Variants in MPRIP observed in about 807,000 individuals in gnomAD.
MPRIP encodes myosin phosphatase Rho-interacting protein.
MPRIP carries 59 observed loss-of-function variants against 234.9 expected under a neutral mutation model. The ratio of observed to expected loss-of-function variants is 0.25; its 90% CI spans 0.20 to 0.31. The LOEUF (loss-of-function observed/expected upper bound fraction) is 0.31, where lower values mean the gene tolerates loss of function less well. Among genes scored for constraint, MPRIP ranks in the 10% least tolerant of loss-of-function variants. The pLI, the probability that MPRIP is intolerant of heterozygous loss-of-function variation, is 1.00. For synonymous variants in MPRIP, 1,144 were observed against 1,263.9 expected (o/e 0.91, Z 2.01); for missense variants, 2,436 against 3,071.0 (o/e 0.79, Z 4.89).
intron 3 of MPRIP, among the ~76,000 whole-genome samples, chr17:17,115,277 A>AG (rs1261245763): frequency 6.6e-6 from 1 of 152,248 alleles, no homozygotes; most frequent in African/African-American, 2.4e-5. Context: ...AAGGAAAGGT[A>AG]GGGCCTCGGG....
chr17:17,043,098 G>A, intron 1 of MPRIP, 127 bp downstream of exon 1: 1 of 883,384 alleles, frequency 1.1e-6, no homozygotes, highest in Non-Finnish European at 1.7e-6. Context: ...GGGGCATGGG[G>A]ACGGGGACGG....
rs562468778 is a variant in MPRIP at position 17,049,669 on chromosome 17, ATATT to A, written c.123+6700_123+6703del. ...GCCTTTTACTCAAAAGAAATCTTGT[ATATT>A]TTAGGTTTTGCAGGCCAACAGGCAA... On this transcript the variant is annotated intron_variant, in intron 1 of 23. Transcript: ENST00000651222. Among the ~76,000 whole-genome samples the A allele has an allele frequency of 1.2e-4, 18 of 152,332 alleles. No individual in the cohort carries two copies. In the East Asian group the frequency reaches 3.3e-3, roughly 28 times the overall value.
rs1340121022 is a variant in MPRIP, at chr17:17,164,417, A to G, written c.2826A>G (p.Gln942=). The G allele has an allele frequency of 7.8e-7, 1 of 1,281,112 alleles. No homozygotes were observed. The highest frequency in any genetic ancestry group is 1.0e-6 in the Non-Finnish European group (1 of 982,174). The allele number at this position is 1,281,112 out of a possible 1,614,324, so 79.4% of individuals were successfully genotyped here. ...TCCGCGAGCAGCTGGAGGAGCGGCA[A>G]CACAGCGAGGCGGCGCTGAGCAGCC... The part of the protein sequence containing the change: ...GRVREQLEER[Q]HSEAALSSQL... Residue 942 remains glutamine, a synonymous_variant, in exon 16 of 24, where the codon CAA becomes CAG. Transcript: ENST00000651222.
intron 3 of MPRIP, among the ~76,000 whole-genome samples, chr17:17,125,268 G>A (rs2090469552): frequency 6.6e-6 from 1 of 152,238 alleles, no homozygotes; most frequent in Admixed American, 6.5e-5. Flanking sequence ...GGTGTATGCT[G>A]AAAGGGTGAA....
At chr17:17,172,083 G>T (rs1425538390) in intron 17 of MPRIP, among the ~76,000 whole-genome samples, 1 of 152,222 alleles carries the variant, frequency 6.6e-6, no homozygotes, top group South Asian at 2.1e-4. Context: ...ACCCCTGACA[G>T]CCCCGTCGTG....
At position 17,172,699 on chromosome 17, in the gene MPRIP, C is replaced by A. The variant is rs906402376; in HGVS notation, c.6474C>A (p.Ala2158=). 1.9e-6 allele frequency: 3 copies of A among 1,610,700 alleles called. No individual in the cohort carries two copies. The East Asian group carries it at 6.7e-5, about 36-fold the overall frequency. ...CTGAGGCCGTGTCCTTGCCTGCAGC[C>A]ATCGAAGCCATGAAGAACGCCCACC... ...LAEETAATIS[A]IEAMKNAHRE... Residue 2158 remains alanine (A), a splice_region_variant and synonymous_variant, in exon 18 of 24, where the codon GCC becomes GCA. Transcript: ENST00000651222.
At chr17:17,062,385 A>C (rs947854614) in intron 1 of MPRIP, among the ~76,000 whole-genome samples, 1 of 152,196 alleles carries the variant, frequency 6.6e-6, no homozygotes, top group Non-Finnish European at 1.5e-5. Context: ...AAAGCCCCCA[A>C]ACCTGCTGCT....
chr17:17,127,527 G>T (rs1397979993), intron 4 of MPRIP, among the ~76,000 whole-genome samples: 5 of 152,244 alleles, frequency 3.3e-5, no homozygotes, highest in Admixed American at 3.3e-4. Flanking sequence ...CAGTCTAGCA[G>T]GGAATTCTTT....
chr17:17,174,149 T>A (rs2046205009), intron 19 of MPRIP, 74 bp downstream of exon 19: 1 of 1,534,058 alleles, frequency 6.5e-7, no homozygotes. Flanking sequence ...GTCAGGTGAG[T>A]CCACACTGGA....
chr17:17,075,629 C>A, intron 1 of MPRIP, 81 bp from the exon 2 acceptor site: 1 of 1,184,768 alleles, frequency 8.4e-7, no homozygotes, highest in East Asian at 2.3e-5. Context: ...CTGTTTCCAG[C>A]GAGTGCTTGC....
rs2045961666 is a variant in MPRIP, at chr17:17,165,369, C to G, written c.3778C>G (p.His1260Asp). The G allele has an allele frequency of 7.7e-7, 1 of 1,304,072 alleles. No homozygotes were observed. The highest frequency in any genetic ancestry group is 2.3e-5 in the Admixed American group (1 of 43,546). 80.8% of individuals were successfully genotyped at this position (1,304,072 alleles called of 1,614,324 possible). ...QATRAPLGLP[H>D]TRLEDEDEDL... The stretch of plus-strand genomic sequence containing the variant: ...CACTAGGGCACCTCTAGGCCTCCCA[C>G]ACACAAGGCTCGAGGATGAGGACGA... Residue 1260 changes from histidine (H) to aspartate (D), a missense_variant, in exon 16 of 24, where the codon CAC becomes GAC. By Grantham distance (81) the His-to-Asp change is moderately conservative. Around this residue, in one of 4 missense-constraint regions of MPRIP, gnomAD observed 1,998 missense variants for 2,520.3 expected, o/e 0.79. Coordinates refer to ENST00000651222, the MANE Select transcript of MPRIP (RefSeq NM_001364716.4).
chr17:17,184,441 C>T (rs1430780419), intron 23 of MPRIP, among the ~76,000 whole-genome samples: 1 of 152,236 alleles, frequency 6.6e-6, no homozygotes, highest in African/African-American at 2.4e-5. Context: ...ATCTCTGGAG[C>T]TGGATGTGGA....
rs965629732 is a variant in MPRIP, at chr17:17,165,832, C to T, written c.4241C>T (p.Ala1414Val). ...LESQQGQSRE[A>V]LLALHHQWAG... is the part of the protein sequence containing the mutation. ...AGCCAGCAGGGTCAGAGCCGTGAGG[C>T]ACTGCTCGCACTGCACCACCAGTGG... The change falls in exon 16 of 24, where the codon GCA becomes GTA. Residue 1414 changes from alanine to valine, a missense_variant. By Grantham distance (64) the Ala-to-Val change is moderately conservative. This residue lies in a region of MPRIP where 1,998 missense variants were observed against 2,520.3 expected (regional missense o/e 0.79). Transcript: ENST00000651222. 5 of 1,304,220 alleles carry T rather than the reference C, an allele frequency of 3.8e-6. No individual in the cohort carries two copies. The highest frequency in any genetic ancestry group is 3.7e-5 in the South Asian group (3 of 81,030). 80.8% of individuals were successfully genotyped at this position (1,304,220 alleles called of 1,614,324 possible). A position where few individuals can be genotyped will look rare whatever the true frequency, so the allele number is the denominator to read the frequency against.
At chr17:17,169,843 C>A (rs1181445074) in intron 16 of MPRIP, among the ~76,000 whole-genome samples, 2 of 152,236 alleles carry the variant, frequency 1.3e-5, no homozygotes, top group Non-Finnish European at 2.9e-5. Context: ...CGGGGAACTT[C>A]TTTTGGTGTC....
At position 17,143,577 on chromosome 17, in the gene MPRIP, C is replaced by G. The variant is rs1328045512; in HGVS notation, c.1411C>G (p.Pro471Ala). 3.1e-6 allele frequency: 5 copies of G among 1,600,406 alleles called. No homozygotes were observed. The African/African-American group carries it at 5.4e-5, about 17-fold the overall frequency. The change falls in exon 9 of 24, where the codon CCA becomes GCA. Residue 471 changes from proline (P) to alanine (A), a missense_variant. Physicochemically the swap from Pro to Ala is conservative, Grantham distance 27. Coordinates refer to ENST00000651222, the MANE Select transcript of MPRIP (RefSeq NM_001364716.4). ...ACAGGACTTCACCAATGAAGCCCCC[C>G]CAGCTCCTCTCCCAGACGCCTCGGC... ...RKRDFTNEAP[P>A]APLPDASASP...
intron 1 of MPRIP, among the ~76,000 whole-genome samples, chr17:17,044,435 T>G (rs2088280982): frequency 1.3e-5 from 2 of 152,218 alleles, no homozygotes; most frequent in South Asian, 4.1e-4. Context: ...CTTCTGTATC[T>G]TTTAATTTCC....
chr17:17,159,399 C>G (rs2144602303), intron 14 of MPRIP, among the ~76,000 whole-genome samples: 1 of 152,370 alleles, frequency 6.6e-6, no homozygotes, highest in Non-Finnish European at 1.5e-5. Flanking sequence ...AGGCAGAGAC[C>G]AGCCCCAGGT....
At chr17:17,117,520 GT>G (rs1186606367) in intron 3 of MPRIP, among the ~76,000 whole-genome samples, 38 of 152,356 alleles carry the variant, frequency 2.5e-4, no homozygotes, top group Middle Eastern at 3.4e-3. Flanking sequence ...GTTTGCTCAT[GT>G]TGGAGCATGT....
intron 4 of MPRIP, among the ~76,000 whole-genome samples, chr17:17,128,692 G>A (rs1313724385): frequency 1.3e-5 from 2 of 152,166 alleles, no homozygotes; most frequent in Non-Finnish European, 1.5e-5. Context: ...TGTCCAACAG[G>A]CAGGTTCTCA....
Sources: allele counts gnomAD v4.1 joint callset (sites outside exome capture counted in the v4.1 genomes callset), GRCh38; gene constraint gnomAD v4.1.1; regional missense constraint gnomAD v4.1.1; transcripts MANE v1.5; gene names NCBI Gene and HGNC (gene_info 2026-07-23, HGNC 2026-07-21).